Variants in GCNT4 observed in about 807,000 individuals in gnomAD.
The protein encoded by GCNT4 is glucosaminyl (N-acetyl) transferase 4, also known as beta-1,3-galactosyl-O-glycosyl-glycoprotein beta-1,6-N-acetylglucosaminyltransferase 4.
In GCNT4, 17 loss-of-function variants were observed where a neutral mutation model predicts 31.3. That is an observed-to-expected ratio of 0.54 (90% CI 0.37 to 0.81). The LOEUF (loss-of-function observed/expected upper bound fraction) is 0.81, where lower values mean the gene tolerates loss of function less well. Ranked by LOEUF, GCNT4 falls within the 40% of genes least tolerant of loss-of-function variation. The pLI is 0.00. For missense variants in GCNT4, 503 were observed against 525.5 expected (o/e 0.96, Z 0.42); for synonymous variants, 158 against 190.6 (o/e 0.83, Z 1.41).
chr5:75,050,028 T>TC (rs1743533150), intron 2 of GCNT4, among the ~76,000 whole-genome samples: 1 of 152,116 alleles, frequency 6.6e-6, no homozygotes, highest in East Asian at 1.9e-4. Context: ...ACCCCTTAGG[T>TC]GTGGTGCCGT....
chr5:75,046,911 G>C (rs1743452022), intron 3 of GCNT4, among the ~76,000 whole-genome samples: 1 of 152,206 alleles, frequency 6.6e-6, no homozygotes, highest in Admixed American at 6.5e-5. Context: ...ATCCTTAAGT[G>C]AAATGAGAAA....
chr5:75,035,980 T>C (rs1411958213), intron 3 of GCNT4, among the ~76,000 whole-genome samples: 1 of 152,206 alleles, frequency 6.6e-6, no homozygotes, highest in African/African-American at 2.4e-5. Context: ...ATTTTATGTA[T>C]ATTCATCCCT....
the GCNT4 span, among the ~76,000 whole-genome samples, chr5:75,018,466 G>A: frequency 6.6e-6 from 1 of 151,982 alleles, no homozygotes; most frequent in Non-Finnish European, 1.5e-5. Context: ...ATTTTTAGTA[G>A]AGACGGGGTT....
chr5:75,049,043 G>A (rs1396808082), intron 2 of GCNT4, among the ~76,000 whole-genome samples: 1 of 152,188 alleles, frequency 6.6e-6, no homozygotes, highest in Non-Finnish European at 1.5e-5. Context: ...ATACTCTGTA[G>A]TTCTAAGATT....
At chr5:75,017,240 C>T in the GCNT4 span, among the ~76,000 whole-genome samples, 1 of 152,218 alleles carries the variant, frequency 6.6e-6, no homozygotes, top group East Asian at 1.9e-4. Flanking sequence ...GAAGCCACAG[C>T]TTTTTTCCCC....
intron 3 of GCNT4, among the ~76,000 whole-genome samples, chr5:75,045,941 T>C (rs1397761992): frequency 6.6e-6 from 1 of 152,194 alleles, no homozygotes; most frequent in Non-Finnish European, 1.5e-5. Flanking sequence ...TGTTTTTTTT[T>C]TACATTCAGG....
At chr5:75,022,738 C>A (rs1008388626), downstream of GCNT4, among the ~76,000 whole-genome samples, 4 of 152,182 alleles carry the variant, frequency 2.6e-5, no homozygotes, top group Non-Finnish European at 4.4e-5. Flanking sequence ...TGGCTTAAAG[C>A]ACATACCAAG....
At chr5:75,040,865 C>T (rs1743300897) in intron 3 of GCNT4, among the ~76,000 whole-genome samples, 1 of 152,118 alleles carries the variant, frequency 6.6e-6, no homozygotes, top group African/African-American at 2.4e-5. Flanking sequence ...TATAAATTGT[C>T]CCTAAAGTTT....
chr5:75,045,554 C>T (rs1350692393), intron 3 of GCNT4, among the ~76,000 whole-genome samples: 4 of 152,166 alleles, frequency 2.6e-5, no homozygotes, highest in African/African-American at 9.7e-5. Flanking sequence ...GCTTTGCTTC[C>T]ACCCTTTCAG....
intron 3 of GCNT4, among the ~76,000 whole-genome samples, chr5:75,044,036 C>A: frequency 6.6e-6 from 1 of 152,146 alleles, no homozygotes. Context: ...CTGCTCGCCA[C>A]GCCTCAGTTA....
intron 3 of GCNT4, among the ~76,000 whole-genome samples, chr5:75,047,300 T>C (rs1743463881): frequency 6.6e-6 from 1 of 152,240 alleles, no homozygotes; most frequent in Admixed American, 6.5e-5. Context: ...AACAGAGATT[T>C]ACTTGAGACT....
At chr5:75,044,525 G>T (rs1743392829) in intron 3 of GCNT4, among the ~76,000 whole-genome samples, 1 of 151,848 alleles carries the variant, frequency 6.6e-6, no homozygotes, top group Admixed American at 6.6e-5. Context: ...ATGACTAAAT[G>T]AGCTAATGCA....
intron 3 of GCNT4, among the ~76,000 whole-genome samples, chr5:75,032,308 T>A (rs567576158): frequency 1.2e-4 from 18 of 152,296 alleles, no homozygotes; most frequent in South Asian, 6.2e-4. Context: ...CCTTCACCTC[T>A]TGCCCAAGCC....
rs748652005 is a variant in GCNT4, at chr5:75,028,637, T to C, written c.*39A>G. The C allele has an allele frequency of 1.9e-6, 3 of 1,560,864 alleles. No individual in the cohort carries two copies. Among genetic ancestry groups the C allele is most frequent in the Non-Finnish European group, 2.6e-6 (3 of 1,150,500 alleles). ...GGTATTCAATTCCACACTGACTCCATTTATCAGGCACCCTCTTATTTCCAT... is the reference window on the plus strand; with the variant it reads ...GGTATTCAATTCCACACTGACTCCACTTATCAGGCACCCTCTTATTTCCAT... On this transcript the variant is annotated 3_prime_UTR_variant, in exon 4 of 4. Coordinates refer to ENST00000652361, the MANE Select transcript of GCNT4 (RefSeq NM_001366737.1).
At position 75,027,353 on chromosome 5, in the gene GCNT4, ATATATATATT is replaced by A; in HGVS notation, c.*1313_*1322del. On this transcript the variant is annotated 3_prime_UTR_variant, in exon 4 of 4. Transcript: ENST00000652361. ...TTCATATACAATATATGTATATATA[ATATATATATT>A]TATATATTATATATGTAATGGAATT... 6.9e-4 allele frequency: 1 copy of A among 1,458 alleles called. No homozygotes were observed. Among genetic ancestry groups the A allele is most frequent in the Non-Finnish European group, 9.9e-4 (1 of 1,006 alleles). 0.1% of individuals were successfully genotyped at this position (1,458 alleles called of 1,614,324 possible). A position where few individuals can be genotyped will look rare whatever the true frequency, so the allele number is the denominator to read the frequency against.
At chr5:75,039,626 C>A (rs1212928010) in intron 3 of GCNT4, among the ~76,000 whole-genome samples, 1 of 152,166 alleles carries the variant, frequency 6.6e-6, no homozygotes, top group Non-Finnish European at 1.5e-5. Flanking sequence ...AACCACAATT[C>A]GAGACTGCCT....
In GCNT4 at chr5:75,027,764, C is replaced by T. The variant is rs9293639; in HGVS notation, c.*912G>A. 139,663 of 152,542 alleles carry T rather than the reference C, an allele frequency of 0.92. 64,125 individuals are homozygous for T. The highest frequency in any genetic ancestry group is 1 in the East Asian group (5,179 of 5,180). The allele number at this position is 152,542 out of a possible 1,614,324, so 9.4% of individuals were successfully genotyped here. A position where few individuals can be genotyped will look rare whatever the true frequency, so the allele number is the denominator to read the frequency against. On this transcript the variant is annotated 3_prime_UTR_variant, in exon 4 of 4. Coordinates refer to ENST00000652361, the MANE Select transcript of GCNT4 (RefSeq NM_001366737.1). ...ATACAACAGAATTATAATGATTCCA[C>T]AGAAAGTATTCCATTGTAAAGAAAC... is the stretch of plus-strand genomic sequence containing the variant.
In GCNT4 at chr5:75,028,672, A is replaced by C. The variant is rs1333246060; in HGVS notation, c.*4T>G. 6.2e-7 allele frequency: 1 copy of C among 1,601,696 alleles called. No individual in the cohort carries two copies. The highest frequency in any genetic ancestry group is 1.1e-5 in the South Asian group (1 of 88,770). On this transcript the variant is annotated 3_prime_UTR_variant, in exon 4 of 4. Transcript: ENST00000652361. The stretch of plus-strand genomic sequence containing the variant: ...ACCCTCTTATTTCCATCCTGATTTT[A>C]CTATCATGATGTGGTAGTGAGATTT...
intron 3 of GCNT4, among the ~76,000 whole-genome samples, chr5:75,040,155 T>A (rs538666854): frequency 1.3e-5 from 2 of 152,082 alleles, no homozygotes; most frequent in African/African-American, 4.8e-5. Context: ...GGAAAAGAAA[T>A]AGCTTTTCCT....
Sources: allele counts gnomAD v4.1 joint callset (sites outside exome capture counted in the v4.1 genomes callset), GRCh38; gene constraint gnomAD v4.1.1; transcripts MANE v1.5; gene names NCBI Gene and HGNC (gene_info 2026-07-23, HGNC 2026-07-21).